Variants in ARMC2 observed in about 807,000 individuals in gnomAD.
ARMC2 encodes armadillo repeat-containing protein 2.
Under a neutral mutation model 90.3 loss-of-function variants are expected in ARMC2, and 67 were observed. The ratio of observed to expected loss-of-function variants is 0.74; its 90% CI spans 0.61 to 0.91. The LOEUF is 0.91. ARMC2 is among the 40% of genes least tolerant of loss of function. The pLI is 0.00. For missense variants in ARMC2, 920 were observed against 1,030.9 expected (o/e 0.89, Z 1.47); for synonymous variants, 393 against 393.0 (o/e 1.00, Z 0.00).
Position 108,936,122 on chromosome 6 carries a change from A to G in ARMC2, c.1497-778A>G, listed in dbSNP as rs546436452. On this transcript the variant is annotated intron_variant, in intron 11 of 17. Transcript: ENST00000392644. ...GCTTGCTTGCTTACTTGCTTTAGAA[A>G]TTTTGAAGCTGTTTTCAAGGCTTTC... 2.2e-4 allele frequency among the ~76,000 whole-genome samples: 33 copies of G among 152,342 alleles called. No individual in the cohort carries two copies. The South Asian group carries it at 5.2e-3, about 24-fold the overall frequency.
the ARMC2 span, chr6:108,986,452 A>ATTC: frequency 6.6e-6 from 1 of 152,660 alleles, no homozygotes; most frequent in African/African-American, 2.4e-5. Flanking sequence ...TTGGAGAAAA[A>ATTC]TTCTTCTTTA....
chr6:108,969,253 A>G (rs1345534995), intron 17 of ARMC2, among the ~76,000 whole-genome samples: 4 of 152,220 alleles, frequency 2.6e-5, no homozygotes, highest in Non-Finnish European at 5.9e-5. Flanking sequence ...TTGCCTTATA[A>G]GAGAATGGTC....
At chr6:109,013,735 G>A in the ARMC2 span, among the ~76,000 whole-genome samples, 1 of 152,138 alleles carries the variant, frequency 6.6e-6, no homozygotes, top group African/African-American at 2.4e-5. Context: ...TTTAAGAGTG[G>A]GAGTGGGATT....
chr6:108,941,471 A>C (rs928994874), intron 12 of ARMC2, among the ~76,000 whole-genome samples: 2 of 152,246 alleles, frequency 1.3e-5, no homozygotes, highest in African/African-American at 4.8e-5. Context: ...TGACAAAGGC[A>C]TGCCAGGGCA....
At chr6:108,934,171 G>C (rs1167962211) in intron 11 of ARMC2, among the ~76,000 whole-genome samples, 2 of 152,088 alleles carry the variant, frequency 1.3e-5, no homozygotes, top group African/African-American at 2.4e-5. Context: ...TCAGTACCTA[G>C]TTTATTGAGA....
chr6:108,992,133 C>CTT, the ARMC2 span, among the ~76,000 whole-genome samples: 2 of 152,136 alleles, frequency 1.3e-5, no homozygotes, highest in African/African-American at 4.8e-5. Context: ...GGATCCCACT[C>CTT]TGTCACCCAG....
At chr6:108,884,451 C>T (rs564787354) in intron 5 of ARMC2, among the ~76,000 whole-genome samples, 2 of 152,304 alleles carry the variant, frequency 1.3e-5, no homozygotes, top group East Asian at 1.9e-4. Context: ...AGAAGGTATA[C>T]TGAAAATTTA....
At chr6:109,036,555 T>C in the ARMC2 span, among the ~76,000 whole-genome samples, 1 of 152,244 alleles carries the variant, frequency 6.6e-6, no homozygotes, top group Non-Finnish European at 1.5e-5. Context: ...AAAGTGTATT[T>C]ATCAAATACT....
At chr6:108,935,632 G>A (rs1291183877) in intron 11 of ARMC2, among the ~76,000 whole-genome samples, 3 of 151,864 alleles carry the variant, frequency 2.0e-5, no homozygotes, top group Admixed American at 6.6e-5. Flanking sequence ...TAGTAGAGAC[G>A]GGGTTTCGCC....
chr6:108,881,133 C>T (rs1199109800), intron 5 of ARMC2, among the ~76,000 whole-genome samples: 2 of 151,930 alleles, frequency 1.3e-5, no homozygotes, highest in Non-Finnish European at 2.9e-5. Context: ...AGATTACAGG[C>T]GTGAGCCACC....
At position 108,907,878 on chromosome 6, in the gene ARMC2, A is replaced by G. The variant is rs1175587424; in HGVS notation, c.1024-3021A>G. ...ACTGGTACAACTGACGCTATCTTAG[A>G]GTCCTGGTGTCCGCTGTGTTCTTCT... is the stretch of plus-strand genomic sequence containing the variant. On this transcript the variant is annotated intron_variant, in intron 8 of 17. Coordinates refer to ENST00000392644, the MANE Select transcript of ARMC2 (RefSeq NM_032131.6). The G allele has an allele frequency of 3.7e-6, 6 of 1,607,578 alleles. No individual in the cohort carries two copies. In the African/African-American group the frequency reaches 8.0e-5, roughly 21 times the overall value.
chr6:109,020,903 T>G, the ARMC2 span, among the ~76,000 whole-genome samples: 10 of 152,190 alleles, frequency 6.6e-5, no homozygotes, highest in African/African-American at 2.2e-4. Context: ...ACTTAAACCA[T>G]TTGATGGTTG....
the ARMC2 span, among the ~76,000 whole-genome samples, chr6:109,015,077 T>C: frequency 6.6e-5 from 10 of 152,136 alleles, no homozygotes; most frequent in Non-Finnish European, 1.5e-4. Context: ...CATTAAAAAA[T>C]TGTTTAAGCT....
chr6:108,999,742 C>T, the ARMC2 span, among the ~76,000 whole-genome samples: 1 of 152,106 alleles, frequency 6.6e-6, no homozygotes, highest in South Asian at 2.1e-4. Flanking sequence ...CGTAGGCTTA[C>T]CGTATTATCC....
intron 3 of ARMC2, among the ~76,000 whole-genome samples, chr6:108,860,433 C>T (rs1052041075): frequency 4.0e-5 from 6 of 151,874 alleles, no homozygotes; most frequent in Non-Finnish European, 5.9e-5. Flanking sequence ...GAGGTTGAGG[C>T]GGGTGGGTCA....
intron 10 of ARMC2, among the ~76,000 whole-genome samples, chr6:108,921,334 A>C (rs752296789): frequency 2.0e-5 from 3 of 152,234 alleles, no homozygotes; most frequent in Non-Finnish European, 4.4e-5. Context: ...ATAGAGTCTC[A>C]AAGTAGGACA....
At chr6:108,934,022 C>A (rs1385426669) in intron 11 of ARMC2, among the ~76,000 whole-genome samples, 1 of 152,226 alleles carries the variant, frequency 6.6e-6, no homozygotes, top group Admixed American at 6.5e-5. Flanking sequence ...CCACCACACC[C>A]AGCTAATTTT....
At chr6:109,042,787 G>T in the ARMC2 span, among the ~76,000 whole-genome samples, 2 of 151,962 alleles carry the variant, frequency 1.3e-5, no homozygotes, top group East Asian at 1.9e-4. Context: ...AACATTTAAA[G>T]AATTAACTCC....
intron 5 of ARMC2, among the ~76,000 whole-genome samples, chr6:108,881,178 T>TTTTC (rs896555018): frequency 4.3e-4 from 65 of 151,602 alleles, no homozygotes; most frequent in Non-Finnish European, 6.5e-4. Context: ...TTTCTTTTTT[T>TTTTC]TTTCTTTCTT....
Sources: gnomAD v4.1 joint callset for allele counts (sites outside exome capture counted in the v4.1 genomes callset) on GRCh38, gnomAD v4.1.1 for gene constraint, MANE v1.5 for transcripts, NCBI Gene and HGNC (gene_info 2026-07-23, HGNC 2026-07-21) for gene names.